Variants in ZNRF1 observed in about 807,000 individuals in gnomAD.
ZNRF1 encodes the protein E3 ubiquitin-protein ligase ZNRF1.
A neutral mutation model predicts 18.4 loss-of-function variants in ZNRF1; 3 were observed. The ratio of observed to expected loss-of-function variants is 0.16; its 90% CI spans 0.07 to 0.42. The LOEUF is 0.42. Ranked by LOEUF, ZNRF1 falls within the 10% of genes least tolerant of loss-of-function variation. ZNRF1 has a pLI of 0.99. For missense variants in ZNRF1, 310 were observed against 329.8 expected (o/e 0.94, Z 0.47); for synonymous variants, 157 against 144.2 (o/e 1.09, Z -0.64).
At chr16:75,106,637 G>A (rs1009603559) in intron 4 of ZNRF1, 66 bp downstream of exon 4, 132 of 1,382,120 alleles carry the variant, frequency 9.6e-5, no homozygotes, top group Admixed American at 5.2e-4. Flanking sequence ...GGGGCCTGCA[G>A]TTTAGGGAGC....
At chr16:75,040,699 TG>T (rs2035436441) in intron 1 of ZNRF1, among the ~76,000 whole-genome samples, 1 of 143,850 alleles carries the variant, frequency 7.0e-6, no homozygotes, top group Non-Finnish European at 1.5e-5. Context: ...CTCTGCCTCC[TG>T]GGTCCAAGTG....
At chr16:75,052,729 C>T (rs2035621112) in intron 1 of ZNRF1, among the ~76,000 whole-genome samples, 1 of 152,208 alleles carries the variant, frequency 6.6e-6, no homozygotes, top group Non-Finnish European at 1.5e-5. Flanking sequence ...ATAACCACCA[C>T]CTCAACCGTG....
intron 1 of ZNRF1, among the ~76,000 whole-genome samples, chr16:75,062,131 C>G (rs1486216905): frequency 1.3e-5 from 2 of 152,234 alleles, no homozygotes; most frequent in East Asian, 1.9e-4. Flanking sequence ...TCAGTCACTT[C>G]AGAAGAATCG....
intron 1 of ZNRF1, among the ~76,000 whole-genome samples, chr16:75,013,257 A>T (rs2035022899): frequency 1.3e-5 from 2 of 152,142 alleles, no homozygotes; most frequent in South Asian, 4.1e-4. Context: ...AGTAAGAATT[A>T]CTTCTCTGTC....
chr16:75,005,270 AC>A (rs1398417925), intron 1 of ZNRF1, among the ~76,000 whole-genome samples: 1 of 152,184 alleles, frequency 6.6e-6, no homozygotes. Flanking sequence ...TACAAAAGTT[AC>A]CCCGAGGCAA....
chr16:75,032,294 A>G lies in ZNRF1; in HGVS notation c.424+32199A>G, dbSNP rs1384607120. Among the ~76,000 whole-genome samples the G allele has an allele frequency of 4.1e-5, 5 of 123,124 alleles. No individual in the cohort carries two copies. The South Asian group carries it at 7.2e-4, about 18-fold the overall frequency. The allele number at this position is 123,124 out of a possible 152,430, so 80.8% of individuals were successfully genotyped here. A position where few individuals can be genotyped will look rare whatever the true frequency, so the allele number is the denominator to read the frequency against. On this transcript the variant is annotated intron_variant, in intron 1 of 4. Transcript: ENST00000335325. ...CTGGCTAAGTTTTGTATTTTTGTAG[A>G]GATGGGGTTTCACCATGTTGGCCAG...
chr16:75,055,062 G>C (rs1479466580), intron 1 of ZNRF1, among the ~76,000 whole-genome samples: 1 of 152,188 alleles, frequency 6.6e-6, no homozygotes, highest in African/African-American at 2.4e-5. Flanking sequence ...GGCAGACTGG[G>C]TGGGCAGGCG....
chr16:75,042,254 A>C (rs926499109), intron 1 of ZNRF1, among the ~76,000 whole-genome samples: 2 of 152,050 alleles, frequency 1.3e-5, no homozygotes, highest in African/African-American at 2.4e-5. Flanking sequence ...TTGGTTGTCT[A>C]ATTTATCAAT....
chr16:75,073,831 T>G (rs1031780028), intron 1 of ZNRF1, among the ~76,000 whole-genome samples: 2 of 152,060 alleles, frequency 1.3e-5, no homozygotes, highest in Non-Finnish European at 2.9e-5. Context: ...AGGATTTCGC[T>G]AGGAAATATA....
Position 75,067,461 on chromosome 16 carries a change from G to A in ZNRF1, c.425-26111G>A, listed in dbSNP as rs769911019. Among the ~76,000 whole-genome samples, 4 of 152,114 alleles carry A rather than the reference G, an allele frequency of 2.6e-5. No individual in the cohort carries two copies. In the East Asian group the frequency reaches 5.8e-4, roughly 22 times the overall value. On this transcript the variant is annotated intron_variant, in intron 1 of 4. Coordinates refer to ENST00000335325, the MANE Select transcript of ZNRF1 (RefSeq NM_032268.5). Reference sequence around the variant, plus strand: ...ATACAGTCTGCTACAAGTAAAACCCGTTCAGAATTCTAATTGGATTTTTTG... The same window carrying A: ...ATACAGTCTGCTACAAGTAAAACCCATTCAGAATTCTAATTGGATTTTTTG...
intron 1 of ZNRF1, among the ~76,000 whole-genome samples, chr16:75,044,858 G>C (rs542666911): frequency 6.6e-6 from 1 of 152,322 alleles, no homozygotes; most frequent in South Asian, 2.1e-4. Context: ...CAGCTTATCT[G>C]TTATTTAATA....
chr16:75,040,303 G>A (rs916179647), intron 1 of ZNRF1, among the ~76,000 whole-genome samples: 2 of 151,678 alleles, frequency 1.3e-5, no homozygotes, highest in African/African-American at 4.8e-5. Context: ...CACCTAGGCT[G>A]GAGTACAGTA....
intron 1 of ZNRF1, among the ~76,000 whole-genome samples, chr16:75,053,270 C>G (rs1041360644): frequency 4.6e-5 from 7 of 152,214 alleles, no homozygotes; most frequent in Non-Finnish European, 7.4e-5. Flanking sequence ...TGTTCTCTAA[C>G]TTGAGGACTC....
chr16:75,000,346 T>G (rs1461068310), intron 1 of ZNRF1: 1 of 679,330 alleles, frequency 1.5e-6, no homozygotes, highest in Non-Finnish European at 2.7e-6. Flanking sequence ...GAAGCCTACC[T>G]ATTGGAGTTC....
chr16:75,070,967 C>A (rs1294907897), intron 1 of ZNRF1, among the ~76,000 whole-genome samples: 1 of 152,192 alleles, frequency 6.6e-6, no homozygotes, highest in Non-Finnish European at 1.5e-5. Flanking sequence ...AACTCGATCA[C>A]CTACAACAAC....
chr16:75,032,116 T>G (rs1424422355), intron 1 of ZNRF1, among the ~76,000 whole-genome samples: 2 of 148,010 alleles, frequency 1.4e-5, no homozygotes, highest in Non-Finnish European at 3.0e-5. Context: ...TTTTTTTTTT[T>G]TTTTTTTTTT....
intron 1 of ZNRF1, among the ~76,000 whole-genome samples, chr16:75,025,256 G>A (rs2035205569): frequency 6.6e-6 from 1 of 152,034 alleles, no homozygotes; most frequent in South Asian, 2.1e-4. Flanking sequence ...TTTTAGTAGA[G>A]ATAGGGTTTC....
intron 1 of ZNRF1, among the ~76,000 whole-genome samples, chr16:75,075,842 G>GT (rs2035933764): frequency 6.6e-6 from 1 of 152,198 alleles, no homozygotes; most frequent in African/African-American, 2.4e-5. Flanking sequence ...GGAAAGGATG[G>GT]TTTTAGAGAT....
At chr16:75,003,027 C>A (rs563649019) in intron 1 of ZNRF1, among the ~76,000 whole-genome samples, 1 of 152,344 alleles carries the variant, frequency 6.6e-6, no homozygotes, top group African/African-American at 2.4e-5. Flanking sequence ...GACCTCTGCT[C>A]ACTGCAGTCT....
Sources: allele counts gnomAD v4.1 joint callset (sites outside exome capture counted in the v4.1 genomes callset), GRCh38; gene constraint gnomAD v4.1.1; transcripts MANE v1.5; gene names NCBI Gene and HGNC (gene_info 2026-07-23, HGNC 2026-07-21).